Variants in ASAP1 observed in about 807,000 individuals in gnomAD.
ASAP1 encodes the protein ArfGAP with SH3 domain, ankyrin repeat and PH domain 1.
Under a neutral mutation model 145.2 loss-of-function variants are expected in ASAP1, and 43 were observed. That is an observed-to-expected ratio of 0.30 (90% CI 0.23 to 0.38). The LOEUF (loss-of-function observed/expected upper bound fraction) is 0.38. Among genes scored for constraint, ASAP1 ranks in the 10% least tolerant of loss-of-function variants. ASAP1 has a pLI of 1.00. For missense variants in ASAP1, 1,018 were observed against 1,355.3 expected, an observed-to-expected ratio of 0.75 and a Z score of 3.91; for synonymous variants, 546 against 515.5, an observed-to-expected ratio of 1.06 and a Z score of -0.80.
intron 1 of ASAP1, among the ~76,000 whole-genome samples, chr8:130,420,570 T>C (rs1471755046): frequency 6.6e-6 from 1 of 152,104 alleles, no homozygotes; most frequent in Non-Finnish European, 1.5e-5. Context: ...GGTACAGCCA[T>C]ACAATGCAAT....
rs781069293 is a variant in ASAP1 at position 130,357,971 on chromosome 8, G to T, written c.186+46C>A. 6 of 1,565,294 alleles carry T rather than the reference G, an allele frequency of 3.8e-6. No individual in the cohort carries two copies. The East Asian group carries it at 1.2e-4, about 30-fold the overall frequency. On this transcript the variant is annotated intron_variant, in intron 3 of 29. Transcript: ENST00000518721. ...CGGAGAGGAGATCCTCCAGCTGCGC[G>T]GCGGCAGCGGCGAGCGTGGACGGCG...
chr8:130,407,664 T>C (rs891175832), intron 1 of ASAP1, among the ~76,000 whole-genome samples: 8 of 152,256 alleles, frequency 5.3e-5, no homozygotes, highest in African/African-American at 1.9e-4. Context: ...CCCACGTTTC[T>C]GCTTTTCCAC....
intron 5 of ASAP1, among the ~76,000 whole-genome samples, chr8:130,188,775 T>C (rs1317456160): frequency 6.7e-6 from 1 of 149,438 alleles, no homozygotes; most frequent in East Asian, 2.0e-4. Context: ...ATTTAGGTGG[T>C]GTAGCTCCAG....
intron 1 of ASAP1, among the ~76,000 whole-genome samples, chr8:130,412,615 T>C (rs1473063169): frequency 6.6e-6 from 1 of 152,066 alleles, no homozygotes; most frequent in East Asian, 1.9e-4. Context: ...AATGACCTAA[T>C]ACGAGTCTAG....
At chr8:130,349,929 G>C (rs1825903888) in intron 3 of ASAP1, among the ~76,000 whole-genome samples, 1 of 152,206 alleles carries the variant, frequency 6.6e-6, no homozygotes, top group Non-Finnish European at 1.5e-5. Flanking sequence ...ATGTGGGAAT[G>C]GCCAAGACCC....
chr8:130,171,993 A>C (rs1167772837), intron 9 of ASAP1, among the ~76,000 whole-genome samples: 1 of 152,210 alleles, frequency 6.6e-6, no homozygotes, highest in African/African-American at 2.4e-5. Context: ...TGTTGTCAGG[A>C]CTTCTTACAA....
Position 130,127,995 on chromosome 8 carries a change from G to C in ASAP1, c.1313C>G (p.Thr438Arg). The C allele has an allele frequency of 6.2e-7, 1 of 1,614,142 alleles. No homozygotes were observed. The change falls in exon 16 of 30, where the codon ACA becomes AGA. Residue 438 changes from threonine (T) to arginine (R), a missense_variant. Physicochemically the swap from Thr to Arg is moderately conservative, Grantham distance 71 (BLOSUM62 -1). Coordinates refer to ENST00000518721, the MANE Select transcript of ASAP1 (RefSeq NM_018482.4). Reference sequence around the variant, plus strand: ...CTGGACATCCTCAATAATGGCTTTTGTCAGGTCTTCCAGGCTGTTCTCTCC... The same window carrying C: ...CTGGACATCCTCAATAATGGCTTTTCTCAGGTCTTCCAGGCTGTTCTCTCC... ...SAGENSLEDL[T>R]KAIIEDVQRL...
intron 27 of ASAP1, chr8:130,069,573 C>T (rs1010531130): frequency 6.6e-6 from 1 of 152,168 alleles, no homozygotes; most frequent in Non-Finnish European, 1.5e-5. Flanking sequence ...TAAAAAATAA[C>T]GTGTCATTCA....
At chr8:130,134,521 G>A (rs981236827) in intron 14 of ASAP1, among the ~76,000 whole-genome samples, 177 bp from the exon 15 acceptor site, 1 of 152,078 alleles carries the variant, frequency 6.6e-6, no homozygotes, top group Admixed American at 6.5e-5. Flanking sequence ...CTTCACAAAA[G>A]CTCTATCTGT....
intron 2 of ASAP1, among the ~76,000 whole-genome samples, chr8:130,377,456 C>A (rs1369687605): frequency 6.6e-6 from 1 of 152,088 alleles, no homozygotes; most frequent in Non-Finnish European, 1.5e-5. Context: ...AAGATCAGTC[C>A]CTTGTTGTTT....
intron 5 of ASAP1, among the ~76,000 whole-genome samples, chr8:130,204,426 G>C (rs1816072555): frequency 6.6e-6 from 1 of 152,132 alleles, no homozygotes; most frequent in Admixed American, 6.5e-5. Flanking sequence ...GACTCAGTTT[G>C]TGAGCTCTTA....
At chr8:130,067,323 C>G (rs1407281940) in intron 27 of ASAP1, among the ~76,000 whole-genome samples, 2 of 152,176 alleles carry the variant, frequency 1.3e-5, no homozygotes, top group African/African-American at 2.4e-5. Flanking sequence ...GCCACAAGGC[C>G]TCCTACAGCT....
In ASAP1 at chr8:130,052,463, A is replaced by G. The variant is rs1469122949; in HGVS notation, c.*2268T>C. ...TCTTCAAAATACTATATAATGTACA[A>G]AATTGCAGATAGTGGCTTACTGAGT... On this transcript the variant is annotated 3_prime_UTR_variant, in exon 30 of 30. Coordinates refer to ENST00000518721, the MANE Select transcript of ASAP1 (RefSeq NM_018482.4). 1 of 152,614 alleles carries G rather than the reference A, an allele frequency of 6.6e-6. No homozygotes were observed. The highest frequency in any genetic ancestry group is 2.4e-5 in the African/African-American group (1 of 41,466). 9.5% of individuals were successfully genotyped at this position (152,614 alleles called of 1,614,324 possible).
intron 2 of ASAP1, among the ~76,000 whole-genome samples, chr8:130,366,905 T>TTTTTTTTTTTTTTTTTTTTTTTTTTTC (rs1826981429): frequency 6.8e-6 from 1 of 147,788 alleles, no homozygotes; most frequent in African/African-American, 2.5e-5. Context: ...TTTTTTTTTT[T>TTTTTTTTTTTTTTTTTTTTTTTTTTTC]TTTGAGACAG....
chr8:130,393,338 GC>G (rs1828374191), intron 2 of ASAP1, among the ~76,000 whole-genome samples: 1 of 145,430 alleles, frequency 6.9e-6, no homozygotes, highest in African/African-American at 2.5e-5. Flanking sequence ...TGCTGAATGG[GC>G]CAGGGAAGCC....
At chr8:130,080,273 G>A (rs549091693) in intron 25 of ASAP1, among the ~76,000 whole-genome samples, 4 of 152,324 alleles carry the variant, frequency 2.6e-5, no homozygotes, top group South Asian at 2.1e-4. Context: ...CTTGTCCTTA[G>A]TTTGAGGGTA....
intron 3 of ASAP1, among the ~76,000 whole-genome samples, chr8:130,318,208 A>T (rs1463324037): frequency 6.6e-6 from 1 of 152,106 alleles, no homozygotes; most frequent in African/African-American, 2.4e-5. Flanking sequence ...CAGCCCCCCA[A>T]GTGGCTGGGG....
At chr8:130,113,660 C>G (rs1157422948) in intron 23 of ASAP1, among the ~76,000 whole-genome samples, 1 of 152,198 alleles carries the variant, frequency 6.6e-6, no homozygotes, top group Non-Finnish European at 1.5e-5. Flanking sequence ...TCAGTGAGAA[C>G]TGGGTTTAAT....
rs375236473 is a variant in ASAP1 at position 130,102,439 on chromosome 8, G to A, written c.2401+9655C>T. ...TGTTGAAACATCCTTGCATCCCTGCGATAAATCACACTTCATCATGGTTTA... is the reference window on the plus strand; with the variant it reads ...TGTTGAAACATCCTTGCATCCCTGCAATAAATCACACTTCATCATGGTTTA... On this transcript the variant is annotated intron_variant, in intron 24 of 29. Coordinates refer to ENST00000518721, the MANE Select transcript of ASAP1 (RefSeq NM_018482.4). Among the ~76,000 whole-genome samples the A allele has an allele frequency of 5.9e-5, 9 of 152,238 alleles. No individual in the cohort carries two copies. In the South Asian group the frequency reaches 1.5e-3, roughly 25 times the overall value.
Sources: allele counts gnomAD v4.1 joint callset (sites outside exome capture counted in the v4.1 genomes callset), GRCh38; gene constraint gnomAD v4.1.1; transcripts MANE v1.5; gene names NCBI Gene and HGNC (gene_info 2026-07-23, HGNC 2026-07-21).